Variants in SSH2 observed in about 807,000 individuals in gnomAD.
SSH2 encodes the protein slingshot protein phosphatase 2, also known as protein phosphatase Slingshot homolog 2.
A neutral mutation model predicts 135.2 loss-of-function variants in SSH2; 37 were observed. The observed-to-expected ratio is 0.27, with a 90% CI of 0.21 to 0.36. SSH2 has a LOEUF of 0.36. SSH2 is among the 10% of genes least tolerant of loss of function. SSH2 has a pLI of 1.00. For synonymous variants in SSH2, 628 were observed against 646.2 expected, an observed-to-expected ratio of 0.97 and a Z score of 0.43; for missense variants, 1,408 against 1,765.3, an observed-to-expected ratio of 0.80 and a Z score of 3.63.
chr17:29,908,331 C>T (rs2066694627), intron 1 of SSH2, among the ~76,000 whole-genome samples: 1 of 151,850 alleles, frequency 6.6e-6, no homozygotes, highest in Admixed American at 6.6e-5. Context: ...TGGTACACAC[C>T]TGTCTTAGTC....
intron 2 of SSH2, among the ~76,000 whole-genome samples, chr17:29,797,964 A>G (rs1016096920): frequency 6.6e-6 from 1 of 151,844 alleles, no homozygotes; most frequent in African/African-American, 2.4e-5. Context: ...ATAAGTTTTT[A>G]TTTCTTTTGG....
chr17:29,751,326 A>C (rs2040932935), intron 3 of SSH2, among the ~76,000 whole-genome samples: 1 of 152,174 alleles, frequency 6.6e-6, no homozygotes, highest in South Asian at 2.1e-4. Flanking sequence ...GAGGCAAGAG[A>C]ATCATTTGAA....
At chr17:29,911,467 G>A (rs974598562) in intron 1 of SSH2, among the ~76,000 whole-genome samples, 1 of 152,070 alleles carries the variant, frequency 6.6e-6, no homozygotes, top group African/African-American at 2.4e-5. Context: ...AAATGACTAC[G>A]TGAGGTAGTA....
chr17:29,630,992 A>G lies in SSH2; in HGVS notation c.4202T>C (p.Val1401Ala). Residue 1401 changes from valine to alanine, a missense_variant, in exon 16 of 16, where the codon GTG (valine) becomes GCG (alanine). Physicochemically the swap from Val to Ala is moderately conservative, Grantham distance 64 (BLOSUM62 0). Coordinates refer to ENST00000540801, the MANE Select transcript of SSH2 (RefSeq NM_001282129.2). ...ACACTGCAGTCCCTGGGTCTGTAGCACGGGAAGGCCTCCTTCAGAACTAGT... is the reference window on the plus strand; with the variant it reads ...ACACTGCAGTCCCTGGGTCTGTAGCGCGGGAAGGCCTCCTTCAGAACTAGT... ...ELTSSEGGLP[V>A]LQTQGLQCAC... 1 of 1,613,844 alleles carries G rather than the reference A, an allele frequency of 6.2e-7. No individual in the cohort carries two copies. The highest frequency in any genetic ancestry group is 1.1e-5 in the South Asian group (1 of 91,080).
At chr17:29,856,058 C>T (rs763936001) in intron 1 of SSH2, 24 of 351,018 alleles carry the variant, frequency 6.8e-5, no homozygotes, top group Non-Finnish European at 1.2e-4. Context: ...TCCCCATCAA[C>T]TTAGTTATCC....
At chr17:29,838,700 T>A (rs1255710750) in intron 2 of SSH2, among the ~76,000 whole-genome samples, 1 of 151,944 alleles carries the variant, frequency 6.6e-6, no homozygotes, top group Non-Finnish European at 1.5e-5. Flanking sequence ...GGGGCCACCC[T>A]CTCTGCTGAG....
intron 1 of SSH2, among the ~76,000 whole-genome samples, chr17:29,858,220 A>C (rs772943350): frequency 6.6e-6 from 1 of 152,214 alleles, no homozygotes; most frequent in Non-Finnish European, 1.5e-5. Context: ...AATAGATTCA[A>C]GTTACTTACA....
chr17:29,672,355 G>C (rs918829986), intron 8 of SSH2, among the ~76,000 whole-genome samples: 1 of 152,188 alleles, frequency 6.6e-6, no homozygotes, highest in African/African-American at 2.4e-5. Flanking sequence ...AAGGTAGGGA[G>C]AAGGCGGGGA....
chr17:29,840,297 A>AAACATGCC (rs1211461817), intron 2 of SSH2, among the ~76,000 whole-genome samples: 1 of 152,184 alleles, frequency 6.6e-6, no homozygotes, highest in East Asian at 1.9e-4. Flanking sequence ...GCATTCTTTG[A>AAACATGCC]AACATGCCAG....
At chr17:29,748,308 GA>G (rs1255110712) in intron 3 of SSH2, among the ~76,000 whole-genome samples, 1 of 152,088 alleles carries the variant, frequency 6.6e-6, no homozygotes, top group African/African-American at 2.4e-5. Context: ...TTTGACAGGG[GA>G]TCATTAACTG....
Position 29,628,813 on chromosome 17 carries a change from G to C in SSH2, c.*2028C>G, listed in dbSNP as rs1429863624. On this transcript the variant is annotated 3_prime_UTR_variant, in exon 16 of 16. Coordinates refer to ENST00000540801, the MANE Select transcript of SSH2 (RefSeq NM_001282129.2). The stretch of plus-strand genomic sequence containing the variant: ...GAGACGCTTTTAGCAAGTGGTTTCT[G>C]TCCAACCTGCTTCCTGGCAGGGATG... 1 of 152,274 alleles carries C rather than the reference G, an allele frequency of 6.6e-6. No individual in the cohort carries two copies. The highest frequency in any genetic ancestry group is 1.5e-5 in the Non-Finnish European group (1 of 68,074). 9.4% of individuals were successfully genotyped at this position (152,274 alleles called of 1,614,324 possible). A position where few individuals can be genotyped will look rare whatever the true frequency, so the allele number is the denominator to read the frequency against.
intron 2 of SSH2, among the ~76,000 whole-genome samples, chr17:29,828,295 C>G (rs1449420587): frequency 6.6e-6 from 1 of 152,162 alleles, no homozygotes; most frequent in Non-Finnish European, 1.5e-5. Context: ...GCTCTTTTAT[C>G]TTCTTAAGCT....
chr17:29,813,250 G>T (rs1209371871), intron 2 of SSH2, among the ~76,000 whole-genome samples: 3 of 152,104 alleles, frequency 2.0e-5, no homozygotes, highest in African/African-American at 7.2e-5. Context: ...GGGCGCAGTG[G>T]TGAGCGCCTG....
At chr17:29,720,980 G>A (rs2039803768) in intron 3 of SSH2, among the ~76,000 whole-genome samples, 1 of 152,078 alleles carries the variant, frequency 6.6e-6, no homozygotes, top group Admixed American at 6.6e-5. Context: ...TCACTCTACT[G>A]GTTTCTTGCA....
At chr17:29,928,625 C>T (rs1031436439) in intron 1 of SSH2, 9 of 398,356 alleles carry the variant, frequency 2.3e-5, no homozygotes, top group African/African-American at 1.9e-4. Context: ...AATAAAATCA[C>T]TTATTAAGAT....
At chr17:29,913,347 A>AAAAAAAAAAAAAAAAAATTATAT in intron 1 of SSH2, among the ~76,000 whole-genome samples, 1 of 28,786 alleles carries the variant, frequency 3.5e-5, no homozygotes. Context: ...AAAAAAAAAA[A>AAAAAAAAAAAAAAAAAATTATAT]ATATATATAT....
chr17:29,923,299 G>GTATAA (rs1285309981), intron 1 of SSH2, among the ~76,000 whole-genome samples: 3 of 152,032 alleles, frequency 2.0e-5, no homozygotes, highest in Admixed American at 1.3e-4. Context: ...TATAGCCAAT[G>GTATAA]ATGTTCATTG....
intron 3 of SSH2, among the ~76,000 whole-genome samples, chr17:29,733,915 T>C (rs967302100): frequency 6.7e-6 from 1 of 148,256 alleles, no homozygotes. Context: ...TCTTTCTTTT[T>C]TTTTTTTTTT....
At chr17:29,692,043 G>C (rs2038504179) in intron 5 of SSH2, among the ~76,000 whole-genome samples, 1 of 151,474 alleles carries the variant, frequency 6.6e-6, no homozygotes, top group Non-Finnish European at 1.5e-5. Context: ...GGGGGGCTGA[G>C]ACAGGAGAAT....
Sources: allele counts gnomAD v4.1 joint callset (sites outside exome capture counted in the v4.1 genomes callset), GRCh38; gene constraint gnomAD v4.1.1; transcripts MANE v1.5; gene names NCBI Gene and HGNC (gene_info 2026-07-23, HGNC 2026-07-21).